The following CASR variants were observed in gnomAD, a reference collection of about 807,000 sequenced individuals.
CASR encodes the protein extracellular calcium-sensing receptor.
Under a neutral mutation model 69.1 loss-of-function variants are expected in CASR, and 23 were observed. That is an observed-to-expected ratio of 0.33 (90% CI 0.24 to 0.47). CASR has a LOEUF of 0.47. CASR is among the 20% of genes least tolerant of loss of function. The pLI, the probability that CASR is intolerant of heterozygous loss-of-function variation, is 1.00. For missense variants in CASR, 924 were observed against 1,356.1 expected, an observed-to-expected ratio of 0.68 and a Z score of 5.00; for synonymous variants, 541 against 544.7, an observed-to-expected ratio of 0.99 and a Z score of 0.10.
intron 3 of CASR, among the ~76,000 whole-genome samples, chr3:122,257,882 C>T (rs2074573360): frequency 6.6e-6 from 1 of 152,178 alleles, no homozygotes; most frequent in South Asian, 2.1e-4. Flanking sequence ...GTTGCACATT[C>T]CAGAAACGGA....
intron 5 of CASR, among the ~76,000 whole-genome samples, chr3:122,276,362 G>A (rs556588875): frequency 6.6e-6 from 1 of 152,320 alleles, no homozygotes; most frequent in Admixed American, 6.5e-5. Flanking sequence ...TTAAGCAAAT[G>A]TAAACATCGG....
chr3:122,254,885 A>G (rs547899697), intron 2 of CASR, among the ~76,000 whole-genome samples: 1 of 152,202 alleles, frequency 6.6e-6, no homozygotes, highest in African/African-American at 2.4e-5. Flanking sequence ...TGTAAAATGT[A>G]GTCCATAGCA....
At chr3:122,264,080 A>G (rs2074658776) in intron 4 of CASR, among the ~76,000 whole-genome samples, 1 of 146,744 alleles carries the variant, frequency 6.8e-6, no homozygotes, top group Non-Finnish European at 1.5e-5. Flanking sequence ...TAAAATACAG[A>G]TGGTCAAGAC....
At position 122,209,390 on chromosome 3, in the gene CASR, A is replaced by G. The variant is rs34958994; in HGVS notation, c.-243+25578A>G. On this transcript the variant is annotated intron_variant, in intron 1 of 6. Coordinates refer to ENST00000639785, the MANE Select transcript of CASR (RefSeq NM_000388.4). ...GTCCGTTTTCACACTGCTGATAAAG[A>G]TGGGCAATTTACAAAAGAAAGAGGT... 2.6e-5 allele frequency among the ~76,000 whole-genome samples: 4 copies of G among 152,208 alleles called. No individual in the cohort carries two copies. The East Asian group carries it at 7.7e-4, about 29-fold the overall frequency.
At chr3:122,188,115 G>A (rs997674313) in intron 1 of CASR, among the ~76,000 whole-genome samples, 13 of 152,210 alleles carry the variant, frequency 8.5e-5, no homozygotes, top group African/African-American at 2.9e-4. Context: ...TGACTCGTGA[G>A]CATTTTTGCA....
At chr3:122,190,381 T>G (rs954428779) in intron 1 of CASR, among the ~76,000 whole-genome samples, 1 of 152,202 alleles carries the variant, frequency 6.6e-6, no homozygotes, top group Non-Finnish European at 1.5e-5. Flanking sequence ...TTTCCATTCA[T>G]CCTCATCTTT....
intron 1 of CASR, among the ~76,000 whole-genome samples, chr3:122,238,199 A>C (rs2074347324): frequency 1.3e-5 from 2 of 152,174 alleles, no homozygotes; most frequent in African/African-American, 4.8e-5. Flanking sequence ...CCCCTCCCCT[A>C]TCCCCCCAGC....
At chr3:122,242,838 G>A (rs12491868) in intron 1 of CASR, among the ~76,000 whole-genome samples, 24,766 of 152,070 alleles carry the variant, frequency 0.16, 2,098 homozygotes, top group Non-Finnish European at 0.18. Context: ...ATAGCTCAGT[G>A]GAACAGAATA....
intron 1 of CASR, among the ~76,000 whole-genome samples, chr3:122,236,261 T>A (rs764012654): frequency 2.1e-4 from 32 of 152,170 alleles, no homozygotes; most frequent in Non-Finnish European, 3.4e-4. Flanking sequence ...CAGACAGTCT[T>A]CCTCCAGAAC....
Position 122,272,100 on chromosome 3 carries a change from C to T in CASR, c.1378-3712C>T, listed in dbSNP as rs961704460. On this transcript the variant is annotated intron_variant, in intron 4 of 6. Transcript: ENST00000639785. ...CATTTCTCCTAGGAATGCACACACACACACACACACACACACACACACACA... is the reference window on the plus strand; with the variant it reads ...CATTTCTCCTAGGAATGCACACACATACACACACACACACACACACACACA... Among the ~76,000 whole-genome samples the T allele has an allele frequency of 1.8e-3, 228 of 124,310 alleles. 1 individual carries two copies. In the East Asian group the frequency reaches 0.05, roughly 27 times the overall value. The allele number at this position is 124,310 out of a possible 152,430, so 81.6% of individuals were successfully genotyped here.
At chr3:122,195,480 T>G (rs1346657384) in intron 1 of CASR, among the ~76,000 whole-genome samples, 1 of 152,226 alleles carries the variant, frequency 6.6e-6, no homozygotes, top group Non-Finnish European at 1.5e-5. Context: ...TAATCTGAAT[T>G]TCTTCTCTTT....
intron 1 of CASR, among the ~76,000 whole-genome samples, chr3:122,224,584 G>A (rs2074204425): frequency 6.6e-6 from 1 of 152,146 alleles, no homozygotes; most frequent in African/African-American, 2.4e-5. Flanking sequence ...TCATGGACAG[G>A]AAGCATCAAT....
rs193922432 is a variant in CASR, at chr3:122,257,101, G to A, written c.206G>A (p.Arg69His). Residue 69 changes from arginine (R) to histidine (H), a missense_variant, in exon 3 of 7, where the codon CGC (arginine) becomes CAC (histidine). Physicochemically the swap from Arg to His is conservative, Grantham distance 29. Transcript: ENST00000639785. ...ECIRYNFRGF[R>H]WLQAMIFAIE... ...TCCAGGTATAATTTCCGTGGGTTTC[G>A]CTGGTTACAGGCTATGATATTTGCC... 5 of 1,613,876 alleles carry A rather than the reference G, an allele frequency of 3.1e-6. No individual in the cohort carries two copies. Among genetic ancestry groups the A allele is most frequent in the South Asian group, 1.1e-5 (1 of 91,074 alleles).
In CASR at chr3:122,288,647, A is replaced by G. The variant is rs189922025; in HGVS notation, c.*3456A>G. 6 of 152,156 alleles carry G rather than the reference A, an allele frequency of 3.9e-5. No homozygotes were observed. The South Asian group carries it at 6.2e-4, about 16-fold the overall frequency. The allele number at this position is 152,156 out of a possible 1,614,324, so 9.4% of individuals were successfully genotyped here. ...TTCTAAGTCTTTGCTGGCTTTGGTT[A>G]TAGAAAATACACAGCCGTGTTGTCT... On this transcript the variant is annotated 3_prime_UTR_variant, in exon 7 of 7. Coordinates refer to ENST00000639785, the MANE Select transcript of CASR (RefSeq NM_000388.4).
intron 1 of CASR, among the ~76,000 whole-genome samples, chr3:122,226,744 CAG>C (rs746662056): frequency 6.6e-6 from 1 of 152,012 alleles, no homozygotes. Flanking sequence ...GAGCTAGATA[CAG>C]AGTGCCAATT....
At chr3:122,253,424 G>C (rs1040924411) in intron 1 of CASR, among the ~76,000 whole-genome samples, 1 of 152,046 alleles carries the variant, frequency 6.6e-6, no homozygotes, top group Admixed American at 6.5e-5. Context: ...TATTTTTTTA[G>C]TACAGACAGG....
chr3:122,224,849 G>C (rs997736792), intron 1 of CASR, among the ~76,000 whole-genome samples: 1 of 152,078 alleles, frequency 6.6e-6, no homozygotes, highest in South Asian at 2.1e-4. Context: ...CAGACACATA[G>C]ACCAATGGAA....
intron 4 of CASR, 22 bp downstream of exon 4, chr3:122,262,434 C>T: frequency 6.2e-7 from 1 of 1,605,024 alleles, no homozygotes; most frequent in African/African-American, 1.3e-5. Flanking sequence ...ACTTATATAG[C>T]AATTTGCTGT....
chr3:122,279,084 A>G (rs1400985059), intron 5 of CASR, among the ~76,000 whole-genome samples: 1 of 152,168 alleles, frequency 6.6e-6, no homozygotes, highest in Non-Finnish European at 1.5e-5. Context: ...GCTTGCAAGT[A>G]TCCTTTGCTC....
Sources: allele counts gnomAD v4.1 joint callset (sites outside exome capture counted in the v4.1 genomes callset), GRCh38; gene constraint gnomAD v4.1.1; transcripts MANE v1.5; gene names NCBI Gene and HGNC (gene_info 2026-07-23, HGNC 2026-07-21).